The following TTLL5 variants were observed in gnomAD, a reference collection of about 807,000 sequenced individuals.
TTLL5 encodes the protein tubulin tyrosine ligase like 5, also known as tubulin polyglutamylase TTLL5.
In TTLL5, 132 loss-of-function variants were observed where a neutral mutation model predicts 168.4. That is an observed-to-expected ratio of 0.78 (90% CI 0.68 to 0.91). The LOEUF (loss-of-function observed/expected upper bound fraction) is 0.91. TTLL5 is among the 40% of genes least tolerant of loss of function. The probability of loss-of-function intolerance (pLI) is 0.00; values close to 1 mark genes in which losing one functional copy is unlikely to be tolerated. For missense variants in TTLL5, 1,545 were observed against 1,581.5 expected, an observed-to-expected ratio of 0.98 and a Z score of 0.39; for synonymous variants, 546 against 558.6, an observed-to-expected ratio of 0.98 and a Z score of 0.32.
rs538101225 is a variant in TTLL5 at position 75,894,911 on chromosome 14, T to C, written c.3741-7231T>C. ...ACTTAACATCATAAACTTAAAAATA[T>C]AGAAACCAAAAGCTGACAAAATTAT... On this transcript the variant is annotated intron_variant, in intron 30 of 31. Transcript: ENST00000298832. Among the ~76,000 whole-genome samples, 19 of 152,238 alleles carry C rather than the reference T, an allele frequency of 1.2e-4. No individual in the cohort carries two copies. In the East Asian group the frequency reaches 3.1e-3, roughly 25 times the overall value.
At chr14:75,781,692 C>G (rs946266348) in intron 24 of TTLL5, among the ~76,000 whole-genome samples, 2 of 152,150 alleles carry the variant, frequency 1.3e-5, no homozygotes, top group African/African-American at 2.4e-5. Flanking sequence ...TGGTGGCTCA[C>G]GCCTGTAATC....
At chr14:75,914,232 C>G (rs935464101) in intron 31 of TTLL5, among the ~76,000 whole-genome samples, 1 of 151,292 alleles carries the variant, frequency 6.6e-6, no homozygotes, top group Non-Finnish European at 1.5e-5. Flanking sequence ...TCTTTTATCA[C>G]TGCTTACTTT....
chr14:75,820,948 A>T (rs1418990969), intron 28 of TTLL5, among the ~76,000 whole-genome samples: 1 of 152,146 alleles, frequency 6.6e-6, no homozygotes, highest in East Asian at 1.9e-4. Flanking sequence ...ACCAGCTGAG[A>T]TATTGTTCCC....
At chr14:75,721,095 T>G (rs1038471196) in intron 12 of TTLL5, among the ~76,000 whole-genome samples, 3 of 152,184 alleles carry the variant, frequency 2.0e-5, no homozygotes, top group African/African-American at 4.8e-5. Flanking sequence ...TCTCCCATTT[T>G]CCGATGACTC....
At chr14:75,883,955 G>GC (rs1308345950) in intron 30 of TTLL5, among the ~76,000 whole-genome samples, 1 of 152,168 alleles carries the variant, frequency 6.6e-6, no homozygotes, top group Non-Finnish European at 1.5e-5. Context: ...TAGCCAGACT[G>GC]CCTGGATTCA....
chr14:75,779,861 T>C (rs981865617), intron 24 of TTLL5, among the ~76,000 whole-genome samples, 159 bp downstream of exon 24: 6 of 152,150 alleles, frequency 3.9e-5, no homozygotes, highest in African/African-American at 1.4e-4. Flanking sequence ...GGGACAGTAC[T>C]TTTTGTCCTA....
intron 26 of TTLL5, among the ~76,000 whole-genome samples, chr14:75,787,964 GC>G (rs952619822): frequency 2.0e-5 from 3 of 152,136 alleles, no homozygotes; most frequent in African/African-American, 7.2e-5. Flanking sequence ...TAAGTAGAGA[GC>G]AATGCAAGTC....
At position 75,707,606 on chromosome 14, in the gene TTLL5, A is replaced by C. The variant is rs865878201; in HGVS notation, c.656-17A>C. ...GAACTTAGTTTTTTTTTGTGAATAC[A>C]AACTTTTTTTTTTTAGATTTCAAGT... On this transcript the variant is annotated splice_polypyrimidine_tract_variant and intron_variant, in intron 8 of 31. Transcript: ENST00000298832. The C allele has an allele frequency of 3.1e-6, 5 of 1,601,790 alleles. No homozygotes were observed. Among genetic ancestry groups the C allele is most frequent in the East Asian group, 4.5e-5 (2 of 44,754 alleles).
intron 31 of TTLL5, among the ~76,000 whole-genome samples, chr14:75,909,139 C>T (rs904426518): frequency 6.6e-6 from 1 of 151,646 alleles, no homozygotes; most frequent in African/African-American, 2.4e-5. Flanking sequence ...GAGAGAGTGC[C>T]TTTCACAGGG....
chr14:75,692,055 A>G (rs1885504679), intron 6 of TTLL5, among the ~76,000 whole-genome samples: 1 of 152,208 alleles, frequency 6.6e-6, no homozygotes, highest in South Asian at 2.1e-4. Flanking sequence ...AGTGCACTCA[A>G]AGCTGCAAAT....
At position 75,874,933 on chromosome 14, in the gene TTLL5, C is replaced by CTTTTTTTTTTTTTTTT. The variant is rs1555353208; in HGVS notation, c.3523-7749_3523-7734dup. ...AGAGAAAAAAAAAGACACTGGGGGCCTTTTTTTTTTTTTTTTTTGAGACGG... is the reference window on the plus strand; with the variant it reads ...AGAGAAAAAAAAAGACACTGGGGGCCTTTTTTTTTTTTTTTTTTTTTTTTTTTTTTTTTTGAGACGG... On this transcript the variant is annotated intron_variant, in intron 29 of 31. Transcript: ENST00000298832. Among the ~76,000 whole-genome samples, 209 of 97,504 alleles carry CTTTTTTTTTTTTTTTT rather than the reference C, an allele frequency of 2.1e-3. 21 individuals carry two copies. The highest frequency in any genetic ancestry group is 9.7e-3 in the African/African-American group (198 of 20,350). 64.0% of individuals were successfully genotyped at this position (97,504 alleles called of 152,430 possible).
At chr14:75,800,545 T>G (rs1414712333) in intron 27 of TTLL5, among the ~76,000 whole-genome samples, 2 of 152,218 alleles carry the variant, frequency 1.3e-5, no homozygotes, top group East Asian at 1.9e-4. Context: ...TTAAAGAACC[T>G]TGCCTTGTCA....
chr14:75,763,384 G>C (rs1049199308), intron 18 of TTLL5, among the ~76,000 whole-genome samples: 3 of 151,550 alleles, frequency 2.0e-5, no homozygotes, highest in Admixed American at 1.3e-4. Context: ...TCCTGTTTTT[G>C]GCTCTTTGTC....
intron 31 of TTLL5, among the ~76,000 whole-genome samples, chr14:75,947,939 C>CAAA (rs11410342): frequency 2.0e-4 from 28 of 143,230 alleles, no homozygotes; most frequent in African/African-American, 6.7e-4. Flanking sequence ...GACCCTGTCT[C>CAAA]AAAAAAAAAA....
intron 27 of TTLL5, among the ~76,000 whole-genome samples, chr14:75,808,993 T>C (rs1000946267): frequency 2.0e-5 from 3 of 151,666 alleles, no homozygotes; most frequent in Admixed American, 6.6e-5. Flanking sequence ...ATATATATTC[T>C]TTATATATGA....
intron 28 of TTLL5, among the ~76,000 whole-genome samples, chr14:75,832,394 C>T (rs1281986751): frequency 1.3e-5 from 2 of 152,192 alleles, no homozygotes; most frequent in African/African-American, 2.4e-5. Context: ...ACTCCACTCT[C>T]GGAGTTTAGT....
rs1892171897 is a variant in TTLL5 at position 75,783,400 on chromosome 14, G to GCT, written c.2856_2857insCT (p.Asn953LeufsTer49). On this transcript the variant is annotated frameshift_variant, in exon 26 of 32. Transcript: ENST00000298832. LOFTEE classifies it high-confidence loss of function. ...CTCCCTGCCTACATCCCGGGGCACA[G>GCT]AACATCCCAAGCCCTACTGGCCTGC... 3 of 1,614,080 alleles carry GCT rather than the reference G, an allele frequency of 1.9e-6. No homozygotes were observed. The highest frequency in any genetic ancestry group is 1.3e-5 in the African/African-American group (1 of 74,928).
intron 28 of TTLL5, chr14:75,837,004 G>A (rs184548698): frequency 2.0e-5 from 3 of 152,250 alleles, no homozygotes; most frequent in Admixed American, 2.0e-4. Context: ...ACATTTAGTG[G>A]CTTAAAATAA....
At chr14:75,932,663 G>A (rs1334498086) in intron 31 of TTLL5, among the ~76,000 whole-genome samples, 1 of 152,134 alleles carries the variant, frequency 6.6e-6, no homozygotes, top group Non-Finnish European at 1.5e-5. Flanking sequence ...CTCATTCCTG[G>A]CACTTAGTAG....
Sources: allele counts gnomAD v4.1 joint callset (sites outside exome capture counted in the v4.1 genomes callset), GRCh38; gene constraint gnomAD v4.1.1; transcripts MANE v1.5; gene names NCBI Gene and HGNC (gene_info 2026-07-23, HGNC 2026-07-21).